Variants in OPHN1 observed in about 807,000 individuals in gnomAD.
The protein encoded by OPHN1 is oligophrenin 1, also known as oligophrenin-1.
A neutral mutation model predicts 60.7 loss-of-function variants in OPHN1; 11 were observed. The ratio of observed to expected loss-of-function variants is 0.18; its 90% CI spans 0.11 to 0.30. The LOEUF (loss-of-function observed/expected upper bound fraction) is 0.30, where lower values mean the gene tolerates loss of function less well. OPHN1 is among the 10% of genes least tolerant of loss of function. The pLI, the probability that OPHN1 is intolerant of heterozygous loss-of-function variation, is 1.00. For synonymous variants in OPHN1, 226 were observed against 222.6 expected (o/e 1.02, Z -0.14); for missense variants, 449 against 611.0 (o/e 0.73, Z 2.80).
chrX:68,076,690 G>T (rs2076955104), intron 19 of OPHN1, among the ~76,000 whole-genome samples: 1 of 111,608 alleles, frequency 9.0e-6, no homozygotes, highest in Admixed American at 9.5e-5. Context: ...CAAGAAAAAA[G>T]AAAACATATA....
chrX:68,059,543 C>T (rs902882657), intron 21 of OPHN1, among the ~76,000 whole-genome samples: 2 of 111,990 alleles, frequency 1.8e-5, no homozygotes, highest in African/African-American at 6.5e-5. Flanking sequence ...AAAAACCAAA[C>T]AGTAGATTAT....
rs764492799 is a variant in OPHN1 at position 68,112,086 on chromosome X, CACAG to C, written c.1421-131_1421-128del. 1,160 of 375,073 alleles carry C rather than the reference CACAG, an allele frequency of 3.1e-3. 4 individuals are homozygous for C. Among genetic ancestry groups the C allele is most frequent in the African/African-American group, 0.02 (690 of 34,311 alleles). 30.9% of individuals were successfully genotyped at this position (375,073 alleles called of 1,213,427 possible). A position where few individuals can be genotyped will look rare whatever the true frequency, so the allele number is the denominator to read the frequency against. ...GCACACACACACACACACACACACACACAGAGAGAGATTCGGAGAAAGACACCCA... is the reference window on the plus strand; with the variant it reads ...GCACACACACACACACACACACACACAGAGAGATTCGGAGAAAGACACCCA... On this transcript the variant is annotated intron_variant, in intron 17 of 24. Transcript: ENST00000355520.
chrX:68,091,604 C>G (rs1332005557), intron 19 of OPHN1, among the ~76,000 whole-genome samples: 1 of 110,734 alleles, frequency 9.0e-6, no homozygotes, highest in Admixed American at 9.6e-5. Flanking sequence ...TCTTTAGGGC[C>G]CCTTTCCAGT....
intron 19 of OPHN1, among the ~76,000 whole-genome samples, chrX:68,079,778 C>A (rs1432219912): frequency 8.9e-6 from 1 of 111,941 alleles, no homozygotes; most frequent in African/African-American, 3.3e-5. Context: ...ACACTTTCGT[C>A]CCTTAAAATT....
At chrX:68,076,474 T>C (rs1317848773) in intron 19 of OPHN1, among the ~76,000 whole-genome samples, 1 of 110,950 alleles carries the variant, frequency 9.0e-6, no homozygotes, top group Non-Finnish European at 1.9e-5. Context: ...ATTCATAGTT[T>C]AAAAACTTCC....
chrX:68,049,771 G>A (rs2076844935), intron 23 of OPHN1, among the ~76,000 whole-genome samples: 1 of 111,578 alleles, frequency 9.0e-6, no homozygotes, highest in African/African-American at 3.3e-5. Flanking sequence ...CCATCTTTCT[G>A]GTCTCACCCC....
chrX:68,187,870 GC>G (rs1172311548), intron 15 of OPHN1, among the ~76,000 whole-genome samples: 1 of 111,828 alleles, frequency 8.9e-6, no homozygotes, highest in African/African-American at 3.3e-5. Flanking sequence ...CTCGTGATCC[GC>G]CCGCCTTGGC....
At chrX:68,059,137 C>T (rs2076884058) in intron 21 of OPHN1, among the ~76,000 whole-genome samples, 1 of 111,823 alleles carries the variant, frequency 8.9e-6, no homozygotes, top group African/African-American at 3.3e-5. Context: ...CCAAGCTGTA[C>T]TTCTTTTTAA....
intron 19 of OPHN1, among the ~76,000 whole-genome samples, chrX:68,096,068 G>A (rs187067500): frequency 8.0e-4 from 89 of 111,430 alleles, no homozygotes; most frequent in African/African-American, 2.5e-3. Context: ...GCACTTTGGC[G>A]TTTGTGGAAA....
chrX:68,233,208 A>G (rs2077736909), intron 6 of OPHN1, among the ~76,000 whole-genome samples: 1 of 111,753 alleles, frequency 8.9e-6, no homozygotes, highest in African/African-American at 3.3e-5. Context: ...GATTACAGGC[A>G]TGAGCCACTG....
intron 2 of OPHN1, among the ~76,000 whole-genome samples, chrX:68,404,185 G>A (rs1259921495): frequency 9.4e-6 from 1 of 105,931 alleles, no homozygotes; most frequent in East Asian, 3.0e-4. Flanking sequence ...TTTTGAGACA[G>A]AGTCTCACTC....
intron 2 of OPHN1, among the ~76,000 whole-genome samples, chrX:68,316,827 C>T (rs2078201504): frequency 8.9e-6 from 1 of 112,056 alleles, no homozygotes; most frequent in South Asian, 3.7e-4. Context: ...ACCTTAATTC[C>T]CTTTTGCCAT....
At chrX:68,422,296 G>C (rs1364089486) in intron 2 of OPHN1, among the ~76,000 whole-genome samples, 1 of 109,862 alleles carries the variant, frequency 9.1e-6, no homozygotes, top group Non-Finnish European at 1.9e-5. Context: ...TGAGGTGGAG[G>C]ATCGCTTGAG....
intron 5 of OPHN1, among the ~76,000 whole-genome samples, chrX:68,254,927 T>C (rs940763773): frequency 2.9e-5 from 3 of 103,355 alleles, no homozygotes; most frequent in African/African-American, 1.1e-4. Context: ...GGCTGAGGCA[T>C]GAGAATTGCT....
intron 2 of OPHN1, among the ~76,000 whole-genome samples, chrX:68,346,977 C>T (rs1470237060): frequency 1.8e-5 from 2 of 112,054 alleles, no homozygotes; most frequent in Admixed American, 9.5e-5. Context: ...CTAGAGTGTA[C>T]GAAGCAAATG....
chrX:68,087,477 A>G (rs945822680), intron 19 of OPHN1, among the ~76,000 whole-genome samples: 2 of 111,582 alleles, frequency 1.8e-5, no homozygotes, highest in African/African-American at 6.5e-5. Flanking sequence ...GTTTGGTCAC[A>G]TATTAACCCC....
intron 9 of OPHN1, 161 bp downstream of exon 9, chrX:68,209,992 C>CTTTTTTTTT: frequency 1.1e-5 from 5 of 447,203 alleles, no homozygotes; most frequent in Admixed American, 3.3e-5. Context: ...TCAGTTTCTC[C>CTTTTTTTTT]TTTTTTTTTT....
chrX:68,392,038 C>A (rs764147970), intron 2 of OPHN1, among the ~76,000 whole-genome samples: 1 of 111,840 alleles, frequency 8.9e-6, no homozygotes, highest in East Asian at 2.8e-4. Context: ...AGGAAAACAA[C>A]AAAAGGTATA....
At chrX:68,103,571 C>T (rs1336104486) in intron 18 of OPHN1, among the ~76,000 whole-genome samples, 1 of 105,061 alleles carries the variant, frequency 9.5e-6, no homozygotes, top group African/African-American at 3.5e-5. Flanking sequence ...ATGACAAAAA[C>T]CACAGGATTA....
Sources: allele counts gnomAD v4.1 joint callset (sites outside exome capture counted in the v4.1 genomes callset), GRCh38; gene constraint gnomAD v4.1.1; transcripts MANE v1.5; gene names NCBI Gene and HGNC (gene_info 2026-07-23, HGNC 2026-07-21).